ESM1: variants seen among roughly 807,000 people sequenced by gnomAD.
ESM1 encodes endothelial cell-specific molecule 1.
In ESM1, 7 loss-of-function variants were observed where a neutral mutation model predicts 14.9. That is an observed-to-expected ratio of 0.47 (90% CI 0.27 to 0.88). The LOEUF (loss-of-function observed/expected upper bound fraction) is 0.88, where lower values mean the gene tolerates loss of function less well. Ranked by LOEUF, ESM1 falls within the 40% of genes least tolerant of loss-of-function variation. ESM1 has a pLI of 0.14. For synonymous variants in ESM1, 89 were observed against 89.4 expected, an observed-to-expected ratio of 1.00 and a Z score of 0.02; for missense variants, 192 against 237.9, an observed-to-expected ratio of 0.81 and a Z score of 1.27.
At position 54,979,346 on chromosome 5, in the gene ESM1, A is replaced by G; in HGVS notation, c.541T>C (p.Leu181=). The G allele has an allele frequency of 6.2e-7, 1 of 1,613,094 alleles. No homozygotes were observed. The highest frequency in any genetic ancestry group is 8.5e-7 in the Non-Finnish European group (1 of 1,179,066). ...CACAGCCGGGATCAGCGTGGATTTA[A>G]CCATTTCCTCATTACGGGAGACCCG... is the stretch of plus-strand genomic sequence containing the variant. The part of the protein sequence containing the change: ...AAGSPVMRKW[L]NPR Residue 181 remains leucine, a synonymous_variant, in exon 3 of 3, where the codon TTA becomes CTA. Transcript: ENST00000381405.
intron 1 of ESM1, among the ~76,000 whole-genome samples, chr5:54,983,459 G>C (rs1409719080): frequency 1.3e-5 from 2 of 152,182 alleles, no homozygotes; most frequent in East Asian, 3.8e-4. Flanking sequence ...TGTTAATCTG[G>C]GCAAGATGTT....
intron 2 of ESM1, 29 bp downstream of exon 2, chr5:54,981,967 TC>T (rs1175662367): frequency 6.2e-7 from 1 of 1,602,082 alleles, no homozygotes; most frequent in Non-Finnish European, 8.5e-7. Flanking sequence ...AGACTATTCT[TC>T]CAATGCTTAT....
intron 1 of ESM1, among the ~76,000 whole-genome samples, chr5:54,983,195 A>T (rs1740430647): frequency 6.6e-6 from 1 of 152,196 alleles, no homozygotes; most frequent in Non-Finnish European, 1.5e-5. Flanking sequence ...TGCTCTTTTC[A>T]ATATGGTTCA....
At chr5:54,981,746 C>T (rs893460270) in intron 2 of ESM1, among the ~76,000 whole-genome samples, 5 of 152,030 alleles carry the variant, frequency 3.3e-5, no homozygotes, top group Admixed American at 6.6e-5. Context: ...CATATTTATC[C>T]TCCTATAAAT....
In ESM1 at chr5:54,985,522, C is replaced by G; in HGVS notation, c.-5G>C. On this transcript the variant is annotated 5_prime_UTR_variant, in exon 1 of 3. Transcript: ENST00000381405. ...CAGCAGCAAGACGCTCTTCATGTTT[C>G]CCAGCTGCCTCCGGCTCGGCTCTCC... The G allele has an allele frequency of 2.5e-6, 4 of 1,584,644 alleles. No individual in the cohort carries two copies. Among genetic ancestry groups the G allele is most frequent in the Non-Finnish European group, 3.4e-6 (4 of 1,159,982 alleles).
rs758701947 is a variant in ESM1 at position 54,985,560 on chromosome 5, T to TGGACG, written c.-44_-43insCGTCC. 8 of 1,544,716 alleles carry TGGACG rather than the reference T, an allele frequency of 5.2e-6. No individual in the cohort carries two copies. Among genetic ancestry groups the TGGACG allele is most frequent in the Non-Finnish European group, 6.1e-6 (7 of 1,142,038 alleles). On this transcript the variant is annotated 5_prime_UTR_variant, in exon 1 of 3. Transcript: ENST00000381405. ...GGCTCGGCTCTCCAGTCGTGGTCTT[T>TGGACG]GCTGGTGGGAAGCAGCCGTCCAAAC...
intron 2 of ESM1, among the ~76,000 whole-genome samples, chr5:54,981,598 C>T (rs1449172146): frequency 1.3e-5 from 2 of 152,106 alleles, no homozygotes; most frequent in Non-Finnish European, 2.9e-5. Context: ...CAATAAATTC[C>T]TCACAGTACT....
chr5:54,979,271 T>C lies in ESM1; in HGVS notation c.*61A>G. 1 of 1,201,426 alleles carries C rather than the reference T, an allele frequency of 8.3e-7. No individual in the cohort carries two copies. The highest frequency in any genetic ancestry group is 1.2e-6 in the Non-Finnish European group (1 of 809,592). 74.4% of individuals were successfully genotyped at this position (1,201,426 alleles called of 1,614,324 possible). A position where few individuals can be genotyped will look rare whatever the true frequency, so the allele number is the denominator to read the frequency against. ...GCTATAATCTAGAAAGTTCCTAAAATGTTGGCTGTGTGTTGAACAATCACG... is the reference window on the plus strand; with the variant it reads ...GCTATAATCTAGAAAGTTCCTAAAACGTTGGCTGTGTGTTGAACAATCACG... On this transcript the variant is annotated 3_prime_UTR_variant, in exon 3 of 3. Coordinates refer to ENST00000381405, the MANE Select transcript of ESM1 (RefSeq NM_007036.5).
At chr5:54,984,082 A>G (rs1484370107) in intron 1 of ESM1, among the ~76,000 whole-genome samples, 1 of 152,172 alleles carries the variant, frequency 6.6e-6, no homozygotes, top group Non-Finnish European at 1.5e-5. Context: ...TAATACTTTA[A>G]GAATTTGTTT....
chr5:54,980,930 T>A (rs560011339), intron 2 of ESM1, among the ~76,000 whole-genome samples: 2 of 152,190 alleles, frequency 1.3e-5, no homozygotes, highest in Non-Finnish European at 2.9e-5. Context: ...TTATTTATAG[T>A]TGTGGTGGGA....
In ESM1 at chr5:54,985,320, G is replaced by A. The variant is rs775541220; in HGVS notation, c.198C>T (p.Tyr66=). Residue 66 remains tyrosine, a synonymous_variant, in exon 1 of 3, where the codon TAC becomes TAT. Coordinates refer to ENST00000381405, the MANE Select transcript of ESM1 (RefSeq NM_007036.5). ...TGCCATCCATGCCTGAGACTGTGCGGTAGCAAGTTTCTCCCCGCCCTGCAG... is the reference window on the plus strand; with the variant it reads ...TGCCATCCATGCCTGAGACTGTGCGATAGCAAGTTTCTCCCCGCCCTGCAG... ...VCAAGRGETC[Y]RTVSGMDGMK... is the part of the protein sequence containing the mutation. The A allele has an allele frequency of 8.1e-6, 13 of 1,614,166 alleles. No homozygotes were observed. In the South Asian group the frequency reaches 1.3e-4, roughly 16 times the overall value.
At position 54,982,025 on chromosome 5, in the gene ESM1, C is replaced by A; in HGVS notation, c.423G>T (p.Lys141Asn). ...TGAGAGAAACAAATCTGTTGGAAGA[C>A]TTGGTTACTGAATATTGGAAGAAGG... ...KFPFFQYSVT[K>N]SSNRFVSLTE... The change falls in exon 2 of 3, where the codon AAG (lysine) becomes AAT (asparagine). Residue 141 changes from lysine to asparagine, a missense_variant. Lys to Asn is a moderately conservative substitution (Grantham distance 94). Coordinates refer to ENST00000381405, the MANE Select transcript of ESM1 (RefSeq NM_007036.5). 1 of 1,614,126 alleles carries A rather than the reference C, an allele frequency of 6.2e-7. No homozygotes were observed. Among genetic ancestry groups the A allele is most frequent in the Non-Finnish European group, 8.5e-7 (1 of 1,179,994 alleles).
intron 2 of ESM1, 95 bp from the exon 3 acceptor site, chr5:54,979,530 G>T: frequency 1.2e-6 from 1 of 821,932 alleles, no homozygotes; most frequent in Non-Finnish European, 2.0e-6. Context: ...AATTTACAAT[G>T]AAATCTTTAA....
rs960015438 is a variant in ESM1, at chr5:54,978,146, A to C, written c.*1186T>G. On this transcript the variant is annotated 3_prime_UTR_variant, in exon 3 of 3. Coordinates refer to ENST00000381405, the MANE Select transcript of ESM1 (RefSeq NM_007036.5). ...TACTCCTAATTCCACTTATCAACCAAGTTTAAAAGAAAAAAATATGAAAAT... is the reference window on the plus strand; with the variant it reads ...TACTCCTAATTCCACTTATCAACCACGTTTAAAAGAAAAAAATATGAAAAT... 1 of 152,132 alleles carries C rather than the reference A, an allele frequency of 6.6e-6. No homozygotes were observed. The highest frequency in any genetic ancestry group is 1.5e-5 in the Non-Finnish European group (1 of 68,000). 9.4% of individuals were successfully genotyped at this position (152,132 alleles called of 1,614,324 possible). A position where few individuals can be genotyped will look rare whatever the true frequency, so the allele number is the denominator to read the frequency against.
At chr5:54,980,196 A>C (rs1351024278) in intron 2 of ESM1, among the ~76,000 whole-genome samples, 1 of 152,320 alleles carries the variant, frequency 6.6e-6, no homozygotes, top group South Asian at 2.1e-4. Flanking sequence ...CTGCCAAAAA[A>C]AAGAACACCA....
intron 1 of ESM1, among the ~76,000 whole-genome samples, chr5:54,983,871 T>C (rs534139183): frequency 2.0e-5 from 3 of 152,312 alleles, no homozygotes; most frequent in African/African-American, 7.2e-5. Context: ...ATAAGTATGA[T>C]TGTGTTAACC....
At chr5:54,981,936 T>C (rs1744059688) in intron 2 of ESM1, 61 bp downstream of exon 2, 3 of 1,486,406 alleles carry the variant, frequency 2.0e-6, no homozygotes, top group Non-Finnish European at 2.8e-6. Flanking sequence ...AGATATTTTC[T>C]AAGTTATTCA....
At chr5:54,984,423 T>C (rs1740484194) in intron 1 of ESM1, among the ~76,000 whole-genome samples, 1 of 152,218 alleles carries the variant, frequency 6.6e-6, no homozygotes, top group African/African-American at 2.4e-5. Context: ...AAATGTTAAA[T>C]ATTTTAAACT....
At chr5:54,982,251 C>A (rs1338751551) in intron 1 of ESM1, 105 bp from the exon 2 acceptor site, 20 of 1,060,812 alleles carry the variant, frequency 1.9e-5, no homozygotes, top group Non-Finnish European at 2.6e-5. Context: ...ACCTCATGAA[C>A]CTTGACTGTA....
Sources: allele counts gnomAD v4.1 joint callset (sites outside exome capture counted in the v4.1 genomes callset), GRCh38; gene constraint gnomAD v4.1.1; transcripts MANE v1.5; gene names NCBI Gene and HGNC (gene_info 2026-07-23, HGNC 2026-07-21).